BLM: variants seen among roughly 807,000 people sequenced by gnomAD.
The protein encoded by BLM is recQ-like DNA helicase BLM.
A neutral mutation model predicts 135.3 loss-of-function variants in BLM; 95 were observed. The ratio of observed to expected loss-of-function variants is 0.70; its 90% CI spans 0.59 to 0.83. The LOEUF (loss-of-function observed/expected upper bound fraction) is 0.83. BLM is among the 40% of genes least tolerant of loss of function. The probability of loss-of-function intolerance (pLI) is 0.00; values close to 1 mark genes in which losing one functional copy is unlikely to be tolerated. For synonymous variants in BLM, 520 were observed against 589.2 expected (o/e 0.88, Z 1.70); for missense variants, 1,518 against 1,663.9 (o/e 0.91, Z 1.53).
Position 90,730,603 on chromosome 15 carries a change from GCGCCCAGC to G in BLM, c.-5+13164_-5+13171del, listed in dbSNP as rs535479405. On this transcript the variant is annotated intron_variant, in intron 1 of 21. Coordinates refer to ENST00000355112, the MANE Select transcript of BLM (RefSeq NM_000057.4). ...AGCTGAGACTAGAGGCTGCGTCACT[GCGCCCAGC>G]TAATTTTTGTATTTTAGGTAGAGAC... 7.3e-3 allele frequency among the ~76,000 whole-genome samples: 1,107 copies of G among 151,932 alleles called. 2 individuals carry two copies. The highest frequency in any genetic ancestry group is 0.012 in the Non-Finnish European group (808 of 67,966).
intron 10 of BLM, 68 bp downstream of exon 10, chr15:90,767,091 T>G (rs1319597115): frequency 1.8e-6 from 2 of 1,090,086 alleles, no homozygotes; most frequent in South Asian, 1.6e-5. Context: ...TTTAAGATTT[T>G]AACAAAATTT....
At chr15:90,803,293 T>G (rs1337995124) in intron 17 of BLM, among the ~76,000 whole-genome samples, 1 of 152,208 alleles carries the variant, frequency 6.6e-6, no homozygotes, top group Non-Finnish European at 1.5e-5. Context: ...TTTGCTGCTG[T>G]TTTTTGTCCA....
At chr15:90,733,690 T>C (rs1895125817) in intron 1 of BLM, among the ~76,000 whole-genome samples, 1 of 152,214 alleles carries the variant, frequency 6.6e-6, no homozygotes, top group Non-Finnish European at 1.5e-5. Flanking sequence ...ATTTAAAGTA[T>C]ACAATTTGTT....
At chr15:90,722,778 G>T (rs965534331) in intron 1 of BLM, among the ~76,000 whole-genome samples, 1 of 152,002 alleles carries the variant, frequency 6.6e-6, no homozygotes, top group Non-Finnish European at 1.5e-5. Flanking sequence ...AGGATCCCAG[G>T]ACCCCAGAAG....
In BLM at chr15:90,725,100, C is replaced by T. The variant is rs372298175; in HGVS notation, c.-5+7660C>T. 1.2e-3 allele frequency among the ~76,000 whole-genome samples: 175 copies of T among 151,996 alleles called. 4 individuals carry two copies. In the South Asian group the frequency reaches 0.029, roughly 25 times the overall value. On this transcript the variant is annotated intron_variant, in intron 1 of 21. Coordinates refer to ENST00000355112, the MANE Select transcript of BLM (RefSeq NM_000057.4). ...ATTTTTGTATTTTTAGTAGAGAGAG[C>T]GTTTTGCCATGTTGTCCAGGATGGT... is the stretch of plus-strand genomic sequence containing the variant.
intron 14 of BLM, among the ~76,000 whole-genome samples, chr15:90,788,585 A>G (rs545784787): frequency 1.3e-5 from 2 of 151,808 alleles, no homozygotes; most frequent in South Asian, 4.2e-4. Context: ...TTTGGCAAAA[A>G]ACCTAATAAT....
At chr15:90,732,822 G>A (rs1050004837) in intron 1 of BLM, among the ~76,000 whole-genome samples, 4 of 152,172 alleles carry the variant, frequency 2.6e-5, no homozygotes, top group African/African-American at 4.8e-5. Flanking sequence ...TTGGCTGGGC[G>A]CAGTGGCTCA....
intron 15 of BLM, among the ~76,000 whole-genome samples, chr15:90,793,477 A>G (rs981082584): frequency 6.6e-6 from 1 of 152,226 alleles, no homozygotes; most frequent in Non-Finnish European, 1.5e-5. Context: ...GATGGAAAGT[A>G]TGCCACTGCT....
chr15:90,719,391 C>T (rs1033609648), intron 1 of BLM, among the ~76,000 whole-genome samples: 6 of 152,158 alleles, frequency 3.9e-5, no homozygotes, highest in Non-Finnish European at 8.8e-5. Flanking sequence ...CACCTGAGGC[C>T]AGGAGTTCGA....
In BLM at chr15:90,760,828, T is replaced by G. The variant is rs2151158261; in HGVS notation, c.1455T>G (p.Asn485Lys). ...GKTGFSATRKNLFERPLFNTH... is the reference protein window; with the variant it reads ...GKTGFSATRKKLFERPLFNTH... ...CAGGATTCTCTGCCACCAGGAAGAATCTTTTTGAAAGGCCTTTATTCAATA... is the reference window on the plus strand; with the variant it reads ...CAGGATTCTCTGCCACCAGGAAGAAGCTTTTTGAAAGGCCTTTATTCAATA... The change falls in exon 7 of 22, where the codon AAT becomes AAG. Residue 485 changes from asparagine to lysine, a missense_variant. This residue lies in a region of BLM where 724 missense variants were observed against 756.9 expected (regional missense o/e 0.96). Transcript: ENST00000355112. 6.2e-7 allele frequency: 1 copy of G among 1,614,112 alleles called. No individual in the cohort carries two copies. The highest frequency in any genetic ancestry group is 1.6e-4 in the Middle Eastern group (1 of 6,062).
chr15:90,769,051 G>A (rs1344045737), intron 10 of BLM, 82 bp from the exon 11 acceptor site: 4 of 1,202,312 alleles, frequency 3.3e-6, no homozygotes, highest in Non-Finnish European at 3.7e-6. Flanking sequence ...TACAGCTTAA[G>A]TTGTGATGGA....
Position 90,750,079 on chromosome 15 carries a change from T to C in BLM, c.799+12T>C, listed in dbSNP as rs1270529398. Reference sequence around the variant, plus strand: ...GGAAGATGAAAGAGGTAACAATTATTTTATCTTCATTTTAGTATGTTCATT... The same window carrying C: ...GGAAGATGAAAGAGGTAACAATTATCTTATCTTCATTTTAGTATGTTCATT... On this transcript the variant is annotated intron_variant, in intron 3 of 21. Transcript: ENST00000355112. 2.5e-6 allele frequency: 4 copies of C among 1,611,166 alleles called. No homozygotes were observed. Among genetic ancestry groups the C allele is most frequent in the Non-Finnish European group, 3.4e-6 (4 of 1,177,664 alleles).
Position 90,790,772 on chromosome 15 carries a change from G to C in BLM, c.2947G>C (p.Asp983His). Residue 983 changes from aspartate (D) to histidine (H), a missense_variant, in exon 15 of 22, where the codon GAT (aspartate) becomes CAT (histidine). This residue lies in a region of BLM where 626 missense variants were observed against 681.1 expected (regional missense o/e 0.92). Transcript: ENST00000355112. ...CCAAGAATCTGGCAGAGCTGGAAGA[G>C]ATGGGGAAATATCTCACTGCCTGCT... Reference protein sequence around the residue: ...YYQESGRAGRDGEISHCLLFY... With the variant: ...YYQESGRAGRHGEISHCLLFY... 1 of 1,614,188 alleles carries C rather than the reference G, an allele frequency of 6.2e-7. No homozygotes were observed. Among genetic ancestry groups the C allele is most frequent in the Non-Finnish European group, 8.5e-7 (1 of 1,180,016 alleles).
At chr15:90,772,702 TGAA>T (rs1896354110) in intron 12 of BLM, among the ~76,000 whole-genome samples, 1 of 152,152 alleles carries the variant, frequency 6.6e-6, no homozygotes, top group Non-Finnish European at 1.5e-5. Flanking sequence ...CTGCAGGAAC[TGAA>T]GAAGACAAGA....
intron 19 of BLM, among the ~76,000 whole-genome samples, chr15:90,804,984 G>T (rs1193672136): frequency 6.6e-6 from 1 of 152,074 alleles, no homozygotes; most frequent in African/African-American, 2.4e-5. Flanking sequence ...TTACAGGCAT[G>T]TGCCACCACG....
rs2151159061 is a variant in BLM at position 90,761,193 on chromosome 15, G to A, written c.1820G>A (p.Cys607Tyr). ...AGACTTTCCTCAGCCAAGACAGACT[G>A]TCTTCCAGTGTCATCTACTGCTCAA... ...SERLSSAKTD[C>Y]LPVSSTAQNI... The change falls in exon 7 of 22, where the codon TGT (cysteine) becomes TAT (tyrosine). Residue 607 changes from cysteine to tyrosine, a missense_variant. Cys to Tyr is a radical substitution (Grantham distance 194). Around this residue, in one of 5 missense-constraint regions of BLM, gnomAD observed 724 missense variants for 756.9 expected, o/e 0.96. Coordinates refer to ENST00000355112, the MANE Select transcript of BLM (RefSeq NM_000057.4). 2 of 1,531,178 alleles carry A rather than the reference G, an allele frequency of 1.3e-6. No individual in the cohort carries two copies. Among genetic ancestry groups the A allele is most frequent in the Non-Finnish European group, 1.7e-6 (2 of 1,143,946 alleles). The allele number at this position is 1,531,178 out of a possible 1,614,324, so 94.8% of individuals were successfully genotyped here. A position where few individuals can be genotyped will look rare whatever the true frequency, so the allele number is the denominator to read the frequency against.
At chr15:90,762,077 G>C (rs917253860) in intron 7 of BLM, among the ~76,000 whole-genome samples, 1 of 152,132 alleles carries the variant, frequency 6.6e-6, no homozygotes, top group African/African-American at 2.4e-5. Context: ...TTAAAACAAC[G>C]ATTAATGGAT....
At position 90,803,662 on chromosome 15, in the gene BLM, C is replaced by G. The variant is rs987150263; in HGVS notation, c.3500C>G (p.Ala1167Gly). The G allele has an allele frequency of 1.2e-6, 2 of 1,613,958 alleles. No individual in the cohort carries two copies. ...EDLYINANDQ[A>G]IAYVMLGNKA... ...TTATATATCAATGCCAATGACCAGG[C>G]GATCGCTTATGTGATGCTCGGAAAT... The change falls in exon 18 of 22, where the codon GCG (alanine) becomes GGG (glycine). Residue 1167 changes from alanine to glycine, a missense_variant. By Grantham distance (60) the Ala-to-Gly change is moderately conservative. Transcript: ENST00000355112.
Position 90,784,172 on chromosome 15 carries a change from T to C in BLM, c.2663-749T>C, listed in dbSNP as rs1025001309. Among the ~76,000 whole-genome samples, 6 of 152,266 alleles carry C rather than the reference T, an allele frequency of 3.9e-5. No homozygotes were observed. The East Asian group carries it at 1.2e-3, about 29-fold the overall frequency. On this transcript the variant is annotated intron_variant, in intron 13 of 21. Transcript: ENST00000355112. ...CCCTAATGTTGCTCAGTAAAATCTT[T>C]GTAATTTTTAAAGTTTGAAGTAAAA...
Sources: allele counts gnomAD v4.1 joint callset (sites outside exome capture counted in the v4.1 genomes callset), GRCh38; gene constraint gnomAD v4.1.1; regional missense constraint gnomAD v4.1.1; transcripts MANE v1.5; gene names NCBI Gene and HGNC (gene_info 2026-07-23, HGNC 2026-07-21).